The following DGCR2 variants were observed in gnomAD, a reference collection of about 807,000 sequenced individuals.
DGCR2 encodes integral membrane protein DGCR2/IDD.
In DGCR2, 24 loss-of-function variants were observed where a neutral mutation model predicts 51.6. The ratio of observed to expected loss-of-function variants is 0.47; its 90% CI spans 0.34 to 0.65. The LOEUF (loss-of-function observed/expected upper bound fraction) is 0.65. Ranked by LOEUF, DGCR2 falls within the 30% of genes least tolerant of loss-of-function variation. DGCR2 has a pLI of 0.01. For synonymous variants in DGCR2, 340 were observed against 315.4 expected, an observed-to-expected ratio of 1.08 and a Z score of -0.82; for missense variants, 765 against 772.1, an observed-to-expected ratio of 0.99 and a Z score of 0.11.
At chr22:19,052,353 C>A (rs574193118) in intron 6 of DGCR2, among the ~76,000 whole-genome samples, 2 of 151,762 alleles carry the variant, frequency 1.3e-5, no homozygotes, top group Non-Finnish European at 2.9e-5. Flanking sequence ...GAGGCGGAAG[C>A]TGCAGTGAGC....
Position 19,049,161 on chromosome 22 carries a change from T to C in DGCR2, c.803-518A>G, listed in dbSNP as rs542859364. On this transcript the variant is annotated intron_variant, in intron 6 of 9. Coordinates refer to ENST00000263196, the MANE Select transcript of DGCR2 (RefSeq NM_005137.3). ...GGAAGTTGCTGAAGTAGATTACTTA[T>C]GAGATTTTCTCAATTCTAAGATGCA... 1.3e-3 allele frequency among the ~76,000 whole-genome samples: 205 copies of C among 152,334 alleles called. 1 individual carries two copies. The highest frequency in any genetic ancestry group is 4.8e-3 in the African/African-American group (199 of 41,580).
chr22:19,063,054 C>T (rs942009643), intron 5 of DGCR2, 148 bp downstream of exon 5: 15 of 699,772 alleles, frequency 2.1e-5, no homozygotes, highest in South Asian at 7.2e-5. Flanking sequence ...GCCCCATGAC[C>T]GCAGCCCTCC....
chr22:19,107,284 A>G (rs2083269637), intron 1 of DGCR2, among the ~76,000 whole-genome samples: 1 of 152,182 alleles, frequency 6.6e-6, no homozygotes, highest in South Asian at 2.1e-4. Context: ...CTCTCCTGCA[A>G]CAGTGGAGAG....
chr22:19,109,636 G>A (rs1362984070), intron 1 of DGCR2, among the ~76,000 whole-genome samples: 2 of 152,140 alleles, frequency 1.3e-5, no homozygotes, highest in African/African-American at 4.8e-5. Flanking sequence ...AAAGGGAGGG[G>A]TAGTTACTCA....
intron 2 of DGCR2, among the ~76,000 whole-genome samples, chr22:19,078,088 C>G (rs79977577): frequency 2.0e-5 from 3 of 152,182 alleles, no homozygotes; most frequent in African/African-American, 7.2e-5. Context: ...CTTGGCCTCC[C>G]AAAATGCTGG....
At chr22:19,110,254 A>C (rs1377493360) in intron 1 of DGCR2, among the ~76,000 whole-genome samples, 1 of 152,220 alleles carries the variant, frequency 6.6e-6, no homozygotes, top group Non-Finnish European at 1.5e-5. Flanking sequence ...TGATGCTCAG[A>C]AATGGGGATG....
At chr22:19,107,231 A>G (rs1426283733) in intron 1 of DGCR2, among the ~76,000 whole-genome samples, 1 of 152,010 alleles carries the variant, frequency 6.6e-6, no homozygotes, top group Non-Finnish European at 1.5e-5. Context: ...TGGACCCTGG[A>G]GCTCCTGACT....
intron 1 of DGCR2, among the ~76,000 whole-genome samples, chr22:19,117,700 G>C (rs1345411607): frequency 6.6e-6 from 1 of 152,160 alleles, no homozygotes; most frequent in Non-Finnish European, 1.5e-5. Flanking sequence ...GGATATGCAG[G>C]TGTTCTCTGC....
At chr22:19,109,796 C>G (rs1411931152) in intron 1 of DGCR2, among the ~76,000 whole-genome samples, 1 of 152,082 alleles carries the variant, frequency 6.6e-6, no homozygotes, top group Non-Finnish European at 1.5e-5. Context: ...TAAAAAAAAA[C>G]TGCGGTAGCA....
intron 6 of DGCR2, among the ~76,000 whole-genome samples, chr22:19,052,933 C>G (rs11912290): frequency 6.6e-6 from 1 of 152,082 alleles, no homozygotes. Flanking sequence ...AAAGGCCAGA[C>G]CACATATGAC....
intron 8 of DGCR2, 179 bp from the exon 9 acceptor site, chr22:19,041,473 G>A (rs2082431383): frequency 6.2e-6 from 4 of 646,312 alleles, no homozygotes; most frequent in Non-Finnish European, 2.7e-6. Context: ...GTGCTCCGTG[G>A]CATGTCTCAC....
intron 1 of DGCR2, among the ~76,000 whole-genome samples, chr22:19,094,582 T>C (rs905016432): frequency 1.3e-5 from 2 of 152,198 alleles, no homozygotes; most frequent in Non-Finnish European, 1.5e-5. Context: ...GGAAAACAAT[T>C]TGACAGTTTC....
chr22:19,053,859 A>C (rs1398139962), intron 6 of DGCR2, among the ~76,000 whole-genome samples: 2 of 152,250 alleles, frequency 1.3e-5, no homozygotes, highest in African/African-American at 4.8e-5. Flanking sequence ...AATCTATAAG[A>C]ATCAAATGGA....
chr22:19,076,568 C>A (rs1460430200), intron 2 of DGCR2, among the ~76,000 whole-genome samples: 1 of 152,122 alleles, frequency 6.6e-6, no homozygotes, highest in East Asian at 1.9e-4. Context: ...TTTTCTAAAT[C>A]CTCGTCAACA....
chr22:19,056,879 G>C (rs1046305149), intron 6 of DGCR2, 107 bp downstream of exon 6: 3 of 1,291,782 alleles, frequency 2.3e-6, no homozygotes, highest in African/African-American at 3.0e-5. Flanking sequence ...GGCGTCCACC[G>C]CAACACTGCA....
At chr22:19,077,832 CTTTT>C (rs141485718) in intron 2 of DGCR2, among the ~76,000 whole-genome samples, 1 of 143,488 alleles carries the variant, frequency 7.0e-6, no homozygotes, top group African/African-American at 2.6e-5. Context: ...TTATTTTTGT[CTTTT>C]TTTTTTTTTT....
chr22:19,096,073 G>A (rs1302318065), intron 1 of DGCR2, among the ~76,000 whole-genome samples: 1 of 152,190 alleles, frequency 6.6e-6, no homozygotes, highest in Non-Finnish European at 1.5e-5. Context: ...CCTAATGTCT[G>A]TCTTCCTCAG....
rs2082379723 is a variant in DGCR2 at position 19,037,250 on chromosome 22, A to G, written c.*1615T>C. ...AGCAGGCCAAGCTCAGGGACAGGCA[A>G]TTCAGTAACAAAACTCACAGCTCTG... On this transcript the variant is annotated 3_prime_UTR_variant, in exon 10 of 10. Transcript: ENST00000263196. 1 of 152,352 alleles carries G rather than the reference A, an allele frequency of 6.6e-6. No homozygotes were observed. Among genetic ancestry groups the G allele is most frequent in the Admixed American group, 6.5e-5 (1 of 15,296 alleles). 9.4% of individuals were successfully genotyped at this position (152,352 alleles called of 1,614,324 possible).
At chr22:19,074,260 A>G (rs1290320047) in intron 2 of DGCR2, among the ~76,000 whole-genome samples, 2 of 152,026 alleles carry the variant, frequency 1.3e-5, no homozygotes, top group African/African-American at 2.4e-5. Context: ...CCCTGTCTCT[A>G]CTAAAAAATA....
Sources: gnomAD v4.1 joint callset for allele counts (sites outside exome capture counted in the v4.1 genomes callset) on GRCh38, gnomAD v4.1.1 for gene constraint, MANE v1.5 for transcripts, NCBI Gene and HGNC (gene_info 2026-07-23, HGNC 2026-07-21) for gene names.